COL25A1: variants seen among roughly 807,000 people sequenced by gnomAD.
COL25A1 encodes the protein collagen alpha-1(XXV) chain.
COL25A1 carries 103 observed loss-of-function variants against 128.4 expected under a neutral mutation model. The observed-to-expected ratio is 0.80, with a 90% CI of 0.68 to 0.94. The LOEUF is 0.94. COL25A1 is among the 40% of genes least tolerant of loss of function. COL25A1 has a pLI of 0.00. For synonymous variants in COL25A1, 279 were observed against 277.2 expected (o/e 1.01, Z -0.06); for missense variants, 745 against 840.0 (o/e 0.89, Z 1.40).
chr4:109,285,556 G>A (rs180718824), intron 3 of COL25A1, among the ~76,000 whole-genome samples: 1 of 152,302 alleles, frequency 6.6e-6, no homozygotes, highest in East Asian at 1.9e-4. Context: ...GACGAATAAT[G>A]CAATTCACAC....
At chr4:109,019,375 C>T (rs56409111) in intron 5 of COL25A1, among the ~76,000 whole-genome samples, 13,766 of 40,398 alleles carry the variant, frequency 0.34, 1,668 homozygotes, top group Middle Eastern at 0.41. Context: ...CACACACACA[C>T]ATATATATAT....
At chr4:109,182,595 G>C (rs1774762903) in intron 3 of COL25A1, among the ~76,000 whole-genome samples, 2 of 152,104 alleles carry the variant, frequency 1.3e-5, no homozygotes, top group South Asian at 4.1e-4. Flanking sequence ...TCTCACATCT[G>C]TTCCAACAGA....
intron 3 of COL25A1, among the ~76,000 whole-genome samples, chr4:109,209,301 T>G (rs1057145452): frequency 6.8e-6 from 1 of 147,444 alleles, no homozygotes. Flanking sequence ...GATTTCATTT[T>G]TATTCCAAAC....
At chr4:108,889,992 T>C (rs1253639510) in intron 16 of COL25A1, among the ~76,000 whole-genome samples, 2 of 152,224 alleles carry the variant, frequency 1.3e-5, no homozygotes, top group Non-Finnish European at 2.9e-5. Flanking sequence ...TGGGTTTACT[T>C]CACATGCAGA....
intron 3 of COL25A1, among the ~76,000 whole-genome samples, chr4:109,204,334 A>G (rs1361708873): frequency 6.6e-6 from 1 of 152,204 alleles, no homozygotes; most frequent in South Asian, 2.1e-4. Context: ...TCAGTTTCGC[A>G]TTATAATTTG....
intron 3 of COL25A1, among the ~76,000 whole-genome samples, chr4:109,216,447 C>A (rs1212524801): frequency 6.6e-6 from 1 of 152,046 alleles, no homozygotes; most frequent in Non-Finnish European, 1.5e-5. Context: ...GTGTATATGA[C>A]CTTATTTGGA....
At chr4:109,198,055 A>T (rs1331422302) in intron 3 of COL25A1, among the ~76,000 whole-genome samples, 2 of 151,930 alleles carry the variant, frequency 1.3e-5, no homozygotes, top group African/African-American at 2.4e-5. Flanking sequence ...CTTAAAAATA[A>T]TTTTTTCTTG....
chr4:109,198,047 T>C (rs1776263438), intron 3 of COL25A1, among the ~76,000 whole-genome samples: 1 of 152,148 alleles, frequency 6.6e-6, no homozygotes, highest in South Asian at 2.1e-4. Flanking sequence ...ATTCATGTCT[T>C]AAAAATAATT....
Position 109,302,200 on chromosome 4 carries a change from CGTGCACCATCCCCG to C in COL25A1, c.-102_-89del. The C allele has an allele frequency of 1.4e-6, 1 of 703,794 alleles. No individual in the cohort carries two copies. The highest frequency in any genetic ancestry group is 1.8e-5 in the African/African-American group (1 of 55,798). The allele number at this position is 703,794 out of a possible 1,614,324, so 43.6% of individuals were successfully genotyped here. A position where few individuals can be genotyped will look rare whatever the true frequency, so the allele number is the denominator to read the frequency against. ...CTTGCTCAGCGTCCAGACCCGCAGG[CGTGCACCATCCCCG>C]CTTTCTTCTCTCCTCCCAGCTGGAA... On this transcript the variant is annotated 5_prime_UTR_variant, in exon 1 of 38. It removes an upstream start codon present in the reference 5' UTR. Transcript: ENST00000399132.
At chr4:108,896,631 C>T in intron 16 of COL25A1, 36 bp downstream of exon 16, 1 of 1,593,550 alleles carries the variant, frequency 6.3e-7, no homozygotes. Flanking sequence ...ATTTCTTGCT[C>T]ACATATGTAC....
At chr4:108,917,300 C>T (rs1460141482) in intron 13 of COL25A1, among the ~76,000 whole-genome samples, 2 of 152,060 alleles carry the variant, frequency 1.3e-5, no homozygotes, top group Admixed American at 6.6e-5. Flanking sequence ...GGTTGAGTTA[C>T]GTATGATTTC....
chr4:109,229,321 C>T (rs1476507875), intron 3 of COL25A1, among the ~76,000 whole-genome samples: 2 of 152,150 alleles, frequency 1.3e-5, no homozygotes, highest in Non-Finnish European at 2.9e-5. Context: ...ACCATTGCTC[C>T]TAGGGGAAAT....
chr4:108,853,026 T>C (rs1735978190), intron 24 of COL25A1, 101 bp from the exon 25 acceptor site: 1 of 983,898 alleles, frequency 1.0e-6, no homozygotes, highest in Admixed American at 2.0e-5. Flanking sequence ...TATGTTTGGC[T>C]AGTCTGATAT....
chr4:109,139,848 G>A (rs1180610040), intron 3 of COL25A1, among the ~76,000 whole-genome samples: 5 of 108,724 alleles, frequency 4.6e-5, no homozygotes, highest in Admixed American at 1.1e-4. Context: ...AACAGGCCCC[G>A]GTGTGTGATG....
intron 14 of COL25A1, among the ~76,000 whole-genome samples, chr4:108,899,995 G>C (rs547447666): frequency 6.6e-6 from 1 of 152,056 alleles, no homozygotes; most frequent in Admixed American, 6.6e-5. Context: ...TTGAGTGAAT[G>C]TTGCCATAAG....
intron 18 of COL25A1, among the ~76,000 whole-genome samples, chr4:108,885,347 T>C (rs1740652074): frequency 2.0e-5 from 3 of 152,208 alleles, no homozygotes; most frequent in East Asian, 1.9e-4. Context: ...AGACTGCTTG[T>C]TAAGCTGTGT....
chr4:109,034,449 A>G (rs1759153488), intron 5 of COL25A1, among the ~76,000 whole-genome samples: 1 of 152,216 alleles, frequency 6.6e-6, no homozygotes. Context: ...TAGATACAAC[A>G]GCATACTGTA....
At chr4:109,059,292 T>C (rs948806991) in intron 3 of COL25A1, among the ~76,000 whole-genome samples, 2 of 152,190 alleles carry the variant, frequency 1.3e-5, no homozygotes, top group African/African-American at 2.4e-5. Context: ...CAACAGCACA[T>C]AGGTAGTAAA....
At chr4:108,953,812 C>T (rs1424676982) in intron 8 of COL25A1, among the ~76,000 whole-genome samples, 1 of 152,116 alleles carries the variant, frequency 6.6e-6, no homozygotes, top group Non-Finnish European at 1.5e-5. Context: ...GGATTTTTCT[C>T]ACAAATCACC....
Sources: gnomAD v4.1 joint callset for allele counts (sites outside exome capture counted in the v4.1 genomes callset) on GRCh38, gnomAD v4.1.1 for gene constraint, MANE v1.5 for transcripts, NCBI Gene and HGNC (gene_info 2026-07-23, HGNC 2026-07-21) for gene names.